The following PIK3R1 variants were observed in gnomAD, a reference collection of about 807,000 sequenced individuals.
PIK3R1 encodes the protein phosphoinositide-3-kinase regulatory subunit 1, also known as phosphatidylinositol 3-kinase regulatory subunit alpha.
PIK3R1 carries 29 observed loss-of-function variants against 98.0 expected under a neutral mutation model. The observed-to-expected ratio is 0.30, with a 90% CI of 0.22 to 0.40. The LOEUF is 0.40. PIK3R1 is among the 10% of genes least tolerant of loss of function. The probability of loss-of-function intolerance (pLI) is 1.00; values close to 1 mark genes in which losing one functional copy is unlikely to be tolerated. For synonymous variants in PIK3R1, 282 were observed against 311.8 expected (o/e 0.90, Z 1.01); for missense variants, 596 against 872.7 (o/e 0.68, Z 3.99).
At chr5:68,293,068 T>C (rs1322807620) in intron 8 of PIK3R1, 33 bp from the exon 9 acceptor site, 1 of 1,529,978 alleles carries the variant, frequency 6.5e-7, no homozygotes, top group Non-Finnish European at 9.1e-7. Flanking sequence ...CACTAAACCT[T>C]AAGATGAGCA....
At chr5:68,275,313 T>A (rs757317797) in intron 4 of PIK3R1, among the ~76,000 whole-genome samples, 1 of 152,146 alleles carries the variant, frequency 6.6e-6, no homozygotes, top group Non-Finnish European at 1.5e-5. Flanking sequence ...TTCTGACAGC[T>A]TTATCAGGGC....
chr5:68,223,647 A>G (rs1184755906), intron 1 of PIK3R1, among the ~76,000 whole-genome samples: 2 of 152,162 alleles, frequency 1.3e-5, no homozygotes, highest in African/African-American at 4.8e-5. Context: ...GTGGCAAGGG[A>G]GAGAGAATTT....
chr5:68,277,253 C>T (rs1561287093), intron 4 of PIK3R1, among the ~76,000 whole-genome samples: 1 of 152,190 alleles, frequency 6.6e-6, no homozygotes, highest in Non-Finnish European at 1.5e-5. Flanking sequence ...TATAGCAGCA[C>T]ACACACAATT....
intron 2 of PIK3R1, among the ~76,000 whole-genome samples, chr5:68,262,484 CTA>C (rs1438549749): frequency 2.9e-5 from 4 of 139,990 alleles, no homozygotes; most frequent in East Asian, 2.1e-4. Flanking sequence ...ACATATATAT[CTA>C]TATGTATACA....
At chr5:68,264,828 A>G (rs1448701652) in intron 2 of PIK3R1, among the ~76,000 whole-genome samples, 1 of 152,138 alleles carries the variant, frequency 6.6e-6, no homozygotes, top group Non-Finnish European at 1.5e-5. Flanking sequence ...ATCAGTACAC[A>G]GTGCACAGGG....
Position 68,299,511 on chromosome 5 carries a change from T to C in PIK3R1, c.*1910T>C. ...GAGGTCTCTCTTCCTGATTTAGATA[T>C]GCAAAAGCTGGTATGTTCAGTAGGA... On this transcript the variant is annotated 3_prime_UTR_variant, in exon 16 of 16. Coordinates refer to ENST00000521381, the MANE Select transcript of PIK3R1 (RefSeq NM_181523.3). 4.3e-6 allele frequency: 1 copy of C among 233,308 alleles called. No individual in the cohort carries two copies. The highest frequency in any genetic ancestry group is 8.5e-6 in the Non-Finnish European group (1 of 118,044). 14.5% of individuals were successfully genotyped at this position (233,308 alleles called of 1,614,324 possible). A position where few individuals can be genotyped will look rare whatever the true frequency, so the allele number is the denominator to read the frequency against.
chr5:68,285,470 A>C (rs918562211), intron 7 of PIK3R1, among the ~76,000 whole-genome samples: 1 of 152,216 alleles, frequency 6.6e-6, no homozygotes, highest in Non-Finnish European at 1.5e-5. Flanking sequence ...GGGTTGCTTC[A>C]AAGGTGAAAA....
At chr5:68,253,427 T>C (rs1205619524) in intron 2 of PIK3R1, among the ~76,000 whole-genome samples, 6 of 152,188 alleles carry the variant, frequency 3.9e-5, no homozygotes, top group Non-Finnish European at 8.8e-5. Context: ...AAACAAATAT[T>C]CTTGGGAAGA....
intron 2 of PIK3R1, among the ~76,000 whole-genome samples, chr5:68,253,253 C>T (rs1026416545): frequency 6.6e-6 from 1 of 151,996 alleles, no homozygotes; most frequent in Non-Finnish European, 1.5e-5. Flanking sequence ...TGTGGTTTAC[C>T]AATTTCCTAG....
rs1748066627 is a variant in PIK3R1 at position 68,301,408 on chromosome 5, ATATATATATATATATATATATATATG to A, written c.*3809_*3834del. The A allele has an allele frequency of 1.0e-5, 1 of 96,754 alleles. No individual in the cohort carries two copies. The highest frequency in any genetic ancestry group is 2.0e-5 in the Non-Finnish European group (1 of 50,972). The allele number at this position is 96,754 out of a possible 1,614,324, so 6.0% of individuals were successfully genotyped here. On this transcript the variant is annotated 3_prime_UTR_variant, in exon 16 of 16. Transcript: ENST00000521381. ...TGTGTGTGTGTATATATATATATAT[ATATATATATATATATATATATATATG>A]TGTGTGTATATATATATATATGTGT...
intron 2 of PIK3R1, among the ~76,000 whole-genome samples, chr5:68,262,121 T>G (rs1745779884): frequency 6.6e-6 from 1 of 152,150 alleles, no homozygotes; most frequent in African/African-American, 2.4e-5. Context: ...GTGTTCAATC[T>G]ACAGATTGTT....
rs373795685 is a variant in PIK3R1, at chr5:68,279,581, A to G, written c.503-21A>G. 4.2e-5 allele frequency: 68 copies of G among 1,604,246 alleles called. No individual in the cohort carries two copies. The African/African-American group carries it at 7.8e-4, about 18-fold the overall frequency. On this transcript the variant is annotated intron_variant, in intron 4 of 15. Transcript: ENST00000521381. Reference sequence around the variant, plus strand: ...ATTCTATAAAATAAATGTCTGAAATATTTCTTAAATTGTTTCCTAGATACA... The same window carrying G: ...ATTCTATAAAATAAATGTCTGAAATGTTTCTTAAATTGTTTCCTAGATACA...
chr5:68,222,928 C>G (rs138631105), intron 1 of PIK3R1, among the ~76,000 whole-genome samples: 1 of 151,992 alleles, frequency 6.6e-6, no homozygotes, highest in Admixed American at 6.6e-5. Context: ...TAAGTATTAT[C>G]GTGACAGAGA....
chr5:68,262,548 AATGTATAC>A (rs1462982263), intron 2 of PIK3R1, among the ~76,000 whole-genome samples: 1 of 139,158 alleles, frequency 7.2e-6, no homozygotes, highest in East Asian at 2.0e-4. Flanking sequence ...ATACATATCT[AATGTATAC>A]ATGTATACAC....
chr5:68,253,693 G>A (rs1242961929), intron 2 of PIK3R1, among the ~76,000 whole-genome samples: 7 of 152,132 alleles, frequency 4.6e-5, no homozygotes, highest in Admixed American at 3.3e-4. Context: ...AAAAACAGCC[G>A]GAACTTCTGG....
At chr5:68,288,820 G>A (rs1455463108) in intron 7 of PIK3R1, 2 of 1,529,076 alleles carry the variant, frequency 1.3e-6, no homozygotes, top group Non-Finnish European at 1.8e-6. Context: ...AGTTTGTCTT[G>A]GAGTACGTGT....
intron 7 of PIK3R1, among the ~76,000 whole-genome samples, chr5:68,282,943 C>T (rs1369696147): frequency 2.6e-5 from 4 of 152,230 alleles, no homozygotes; most frequent in Non-Finnish European, 5.9e-5. Context: ...TAGTGTCTCT[C>T]ATGTGTGCAT....
At chr5:68,261,884 C>G (rs1413774585) in intron 2 of PIK3R1, among the ~76,000 whole-genome samples, 2 of 152,074 alleles carry the variant, frequency 1.3e-5, no homozygotes, top group African/African-American at 2.4e-5. Context: ...TGGTTCAGAC[C>G]CTATCCCTTC....
intron 2 of PIK3R1, among the ~76,000 whole-genome samples, chr5:68,250,045 G>C (rs1196680255): frequency 6.6e-6 from 1 of 152,220 alleles, no homozygotes; most frequent in Non-Finnish European, 1.5e-5. Context: ...ACTTAATGGA[G>C]GGAAGCTGAG....
Sources: allele counts gnomAD v4.1 joint callset (sites outside exome capture counted in the v4.1 genomes callset), GRCh38; gene constraint gnomAD v4.1.1; transcripts MANE v1.5; gene names NCBI Gene and HGNC (gene_info 2026-07-23, HGNC 2026-07-21).